Variants in CPZ observed in about 807,000 individuals in gnomAD.
CPZ encodes VEZT/CPZ fusion.
Under a neutral mutation model 61.8 loss-of-function variants are expected in CPZ, and 103 were observed. The ratio of observed to expected loss-of-function variants is 1.67; its 90% CI spans 1.42 to 1.96. The LOEUF is 1.96. Ranked by LOEUF, CPZ falls within the 30% of genes most tolerant of loss-of-function variation. The pLI, the probability that CPZ is intolerant of heterozygous loss-of-function variation, is 0.00. For synonymous variants in CPZ, 551 were observed against 373.7 expected (o/e 1.47, Z -5.47); for missense variants, 1,461 against 914.9 (o/e 1.60, Z -7.70).
At chr4:8,617,390 G>A (rs1716268712) in intron 9 of CPZ, among the ~76,000 whole-genome samples, 1 of 152,228 alleles carries the variant, frequency 6.6e-6, no homozygotes, top group South Asian at 2.1e-4. Flanking sequence ...CGGGGCCAGG[G>A]AAGGAGGATG....
intron 5 of CPZ, 80 bp downstream of exon 5, chr4:8,606,265 C>T (rs1489947327): frequency 4.4e-6 from 6 of 1,376,312 alleles, no homozygotes; most frequent in African/African-American, 2.9e-5. Flanking sequence ...TAGTTTATCC[C>T]AGCAGTGCTT....
chr4:8,614,092 G>A (rs540892821), intron 8 of CPZ, among the ~76,000 whole-genome samples: 2 of 152,356 alleles, frequency 1.3e-5, no homozygotes, highest in South Asian at 4.1e-4. Flanking sequence ...AATGCCTCAT[G>A]CCGCCATCTG....
rs928616142 is a variant in CPZ, at chr4:8,616,687, A to G, written c.1504-1742A>G. 6.6e-5 allele frequency among the ~76,000 whole-genome samples: 10 copies of G among 152,282 alleles called. No individual in the cohort carries two copies. The South Asian group carries it at 2.1e-3, about 32-fold the overall frequency. On this transcript the variant is annotated intron_variant, in intron 9 of 10. Transcript: ENST00000360986. Reference sequence around the variant, plus strand: ...CTGTCTGGGGGTGAGGAGGAGCCACAGGGTGGGGTGGCTGAGGGGCATGGT... The same window carrying G: ...CTGTCTGGGGGTGAGGAGGAGCCACGGGGTGGGGTGGCTGAGGGGCATGGT...
intron 5 of CPZ, among the ~76,000 whole-genome samples, 162 bp from the exon 6 acceptor site, chr4:8,606,575 G>A (rs1470367225): frequency 6.6e-6 from 1 of 152,140 alleles, no homozygotes; most frequent in African/African-American, 2.4e-5. Context: ...GCCCCGGGGT[G>A]GAGAGGAGGC....
At chr4:8,612,205 G>GGGGGGGGGGGGGC (rs2109339233) in intron 8 of CPZ, 43 bp downstream of exon 8, 8 of 202,844 alleles carry the variant, frequency 3.9e-5, no homozygotes, top group East Asian at 2.5e-4. Flanking sequence ...GGTGGGGGGT[G>GGGGGGGGGGGGGC]CAGGGGCTGG....
Position 8,619,289 on chromosome 4 carries a change from T to A in CPZ, c.1631T>A (p.Leu544Gln), listed in dbSNP as rs1716476100. Reference protein sequence around the residue: ...TAPDGDYWRLLPPGIHIVIAQ... With the variant: ...TAPDGDYWRLQPPGIHIVIAQ... ...CCAGATGGTGACTACTGGAGACTGC[T>A]GCCCCCAGGTATCCACATTGTCATT... The change falls in exon 11 of 11, where the codon CTG becomes CAG. Residue 544 changes from leucine (L) to glutamine (Q), a missense_variant. Leu to Gln is a moderately radical substitution (Grantham distance 113). Coordinates refer to ENST00000360986, the MANE Select transcript of CPZ (RefSeq NM_001014447.3). The A allele has an allele frequency of 6.2e-7, 1 of 1,613,322 alleles. No individual in the cohort carries two copies. The highest frequency in any genetic ancestry group is 8.5e-7 in the Non-Finnish European group (1 of 1,179,664).
rs1349370703 is a variant in CPZ, at chr4:8,619,432, A to G, written c.1774A>G (p.Ile592Val). Residue 592 changes from isoleucine to valine, a missense_variant, in exon 11 of 11, where the codon ATT (isoleucine) becomes GTT (valine). Coordinates refer to ENST00000360986, the MANE Select transcript of CPZ (RefSeq NM_001014447.3). ...TCTGGGGATGGGACCCAAGAACTTT[A>G]TTCATGGGCTGCGGAGGACTGGGCC... ...QPLGMGPKNF[I>V]HGLRRTGPHD... 1 of 1,613,968 alleles carries G rather than the reference A, an allele frequency of 6.2e-7. No individual in the cohort carries two copies. The highest frequency in any genetic ancestry group is 1.1e-5 in the South Asian group (1 of 91,014).
At chr4:8,610,599 A>G (rs1038664693) in intron 7 of CPZ, among the ~76,000 whole-genome samples, 1 of 152,198 alleles carries the variant, frequency 6.6e-6, no homozygotes, top group African/African-American at 2.4e-5. Flanking sequence ...GGTGGGACAC[A>G]GGTAGAATGT....
chr4:8,605,986 C>T lies in CPZ; in HGVS notation c.710-3C>T. 3.1e-6 allele frequency: 5 copies of T among 1,611,492 alleles called. No individual in the cohort carries two copies. The highest frequency in any genetic ancestry group is 4.2e-6 in the Non-Finnish European group (5 of 1,177,720). On this transcript the variant is annotated splice_polypyrimidine_tract_variant and splice_region_variant and intron_variant, in intron 4 of 10. Transcript: ENST00000360986. ...TGCCCCAAGTCTCTGTATTTGCCCC[C>T]AGTGGAGCCCGAGGTGAAGCTCATC...
At chr4:8,600,991 C>G in intron 2 of CPZ, 132 bp from the exon 3 acceptor site, 1 of 1,417,590 alleles carries the variant, frequency 7.1e-7, no homozygotes, top group Non-Finnish European at 9.2e-7. Flanking sequence ...TTGTCCTGGT[C>G]CTCCCCTGCC....
Position 8,606,089 on chromosome 4 carries a change from G to T in CPZ, c.810G>T (p.Leu270=). 6.2e-7 allele frequency: 1 copy of T among 1,614,210 alleles called. No individual in the cohort carries two copies. Among genetic ancestry groups the T allele is most frequent in the Non-Finnish European group, 8.5e-7 (1 of 1,180,034 alleles). ...CCCAGTACCTGTGCTCTGAGTACCT[G>T]CTTGGTAACCCCCGCATCCAGCGCC... is the stretch of plus-strand genomic sequence containing the variant. ...YLAQYLCSEY[L]LGNPRIQRLL... The change falls in exon 5 of 11, where the codon CTG becomes CTT. Residue 270 remains leucine, a synonymous_variant. Transcript: ENST00000360986.
At chr4:8,608,868 C>G (rs978183742) in intron 7 of CPZ, among the ~76,000 whole-genome samples, 4 of 152,168 alleles carry the variant, frequency 2.6e-5, no homozygotes, top group African/African-American at 9.7e-5. Flanking sequence ...GGGCCCATGC[C>G]GAGTGCTGTG....
chr4:8,618,366 A>G, intron 9 of CPZ, 63 bp from the exon 10 acceptor site: 7 of 1,515,712 alleles, frequency 4.6e-6, no homozygotes, highest in Non-Finnish European at 5.5e-6. Context: ...GAACGAGCTG[A>G]CGGCCTCCAC....
Position 8,612,130 on chromosome 4 carries a change from T to C in CPZ, c.1331T>C (p.Ile444Thr), listed in dbSNP as rs1178888286. The change falls in exon 8 of 11, where the codon ATC (isoleucine) becomes ACC (threonine). Residue 444 changes from isoleucine (I) to threonine (T), a missense_variant. Ile to Thr is a moderately conservative substitution (Grantham distance 89). Coordinates refer to ENST00000360986, the MANE Select transcript of CPZ (RefSeq NM_001014447.3). ...GGNFLKRGSIINGADWYSFTG... is the reference protein window; with the variant it reads ...GGNFLKRGSITNGADWYSFTG... ...AATTTCCTGAAGAGGGGGAGCATCA[T>C]CAACGGGGCGGACTGGTACAGCTTC... The C allele has an allele frequency of 6.4e-7, 1 of 1,567,206 alleles. No homozygotes were observed. Among genetic ancestry groups the C allele is most frequent in the Admixed American group, 1.7e-5 (1 of 57,306 alleles).
chr4:8,615,857 G>C (rs897432204), intron 9 of CPZ, among the ~76,000 whole-genome samples: 4 of 152,218 alleles, frequency 2.6e-5, no homozygotes, highest in African/African-American at 9.7e-5. Context: ...AGCAGCCGCT[G>C]AGATAGGAAA....
chr4:8,618,457 C>T lies in CPZ; in HGVS notation c.1532C>T (p.Thr511Ile). ...TVHRGIKGVV[T>I]DKFGKPVKNA... is the part of the protein sequence containing the mutation. The stretch of plus-strand genomic sequence containing the variant: ...CACCGGGGCATCAAAGGTGTGGTGA[C>T]AGATAAATTCGGCAAGCCAGTCAAA... Residue 511 changes from threonine (T) to isoleucine (I), a missense_variant, in exon 10 of 11, where the codon ACA becomes ATA. Transcript: ENST00000360986. The T allele has an allele frequency of 6.2e-7, 1 of 1,613,872 alleles. No individual in the cohort carries two copies. The highest frequency in any genetic ancestry group is 8.5e-7 in the Non-Finnish European group (1 of 1,179,850).
chr4:8,617,703 C>T (rs1408329630), intron 9 of CPZ, among the ~76,000 whole-genome samples: 4 of 152,194 alleles, frequency 2.6e-5, no homozygotes, highest in Non-Finnish European at 5.9e-5. Context: ...ACGGACTCCT[C>T]TCCCCACAGG....
intron 4 of CPZ, among the ~76,000 whole-genome samples, 177 bp from the exon 5 acceptor site, chr4:8,605,812 G>A (rs562043137): frequency 2.8e-4 from 42 of 152,292 alleles, no homozygotes; most frequent in Admixed American, 9.2e-4. Context: ...CATAAAAAAC[G>A]AGCTTAACAA....
intron 7 of CPZ, among the ~76,000 whole-genome samples, chr4:8,607,672 C>A (rs113955516): frequency 2.6e-5 from 4 of 152,300 alleles, no homozygotes; most frequent in African/African-American, 7.2e-5. Context: ...TTCACATGTC[C>A]CCGTCTGGGA....
Sources: gnomAD v4.1 joint callset for allele counts (sites outside exome capture counted in the v4.1 genomes callset) on GRCh38, gnomAD v4.1.1 for gene constraint, MANE v1.5 for transcripts, NCBI Gene and HGNC (gene_info 2026-07-23, HGNC 2026-07-21) for gene names.